LRRC4C: variants seen among roughly 807,000 people sequenced by gnomAD.
The protein encoded by LRRC4C is leucine-rich repeat-containing protein 4C.
A neutral mutation model predicts 33.6 loss-of-function variants in LRRC4C; 5 were observed. The ratio of observed to expected loss-of-function variants is 0.15; its 90% CI spans 0.08 to 0.31. The LOEUF (loss-of-function observed/expected upper bound fraction) is 0.31. Ranked by LOEUF, LRRC4C falls within the 10% of genes least tolerant of loss-of-function variation. LRRC4C has a pLI of 1.00. For missense variants in LRRC4C, 560 were observed against 796.7 expected, an observed-to-expected ratio of 0.70 and a Z score of 3.58; for synonymous variants, 329 against 302.0, an observed-to-expected ratio of 1.09 and a Z score of -0.93.
At chr11:40,733,700 C>A (rs1384125651) in intron 2 of LRRC4C, among the ~76,000 whole-genome samples, 1 of 152,126 alleles carries the variant, frequency 6.6e-6, no homozygotes, top group African/African-American at 2.4e-5. Context: ...ATTGGCCTTG[C>A]CCACTAATGT....
At chr11:40,288,268 G>A (rs945921264) in intron 4 of LRRC4C, among the ~76,000 whole-genome samples, 1 of 152,156 alleles carries the variant, frequency 6.6e-6, no homozygotes, top group East Asian at 1.9e-4. Flanking sequence ...ATGCAAAAAA[G>A]TAAAATTTAT....
At chr11:40,635,708 C>T (rs1411644923) in intron 3 of LRRC4C, among the ~76,000 whole-genome samples, 1 of 140,672 alleles carries the variant, frequency 7.1e-6, no homozygotes, top group African/African-American at 2.7e-5. Flanking sequence ...GCGATCTCGG[C>T]TCACTGCAAG....
intron 1 of LRRC4C, among the ~76,000 whole-genome samples, chr11:41,402,881 G>T (rs1335364432): frequency 6.6e-6 from 1 of 151,870 alleles, no homozygotes; most frequent in African/African-American, 2.4e-5. Flanking sequence ...TATTATTACA[G>T]CATTTTAAAT....
At chr11:40,591,825 C>T (rs1315922604) in intron 3 of LRRC4C, among the ~76,000 whole-genome samples, 1 of 152,156 alleles carries the variant, frequency 6.6e-6, no homozygotes, top group Non-Finnish European at 1.5e-5. Context: ...AGAACTTTAG[C>T]TCAATGAATC....
At chr11:40,511,089 A>C (rs1353106645) in intron 3 of LRRC4C, among the ~76,000 whole-genome samples, 1 of 152,168 alleles carries the variant, frequency 6.6e-6, no homozygotes, top group Non-Finnish European at 1.5e-5. Flanking sequence ...AATATCTCTT[A>C]AATAATAAAG....
chr11:40,400,586 C>G (rs1191368228), intron 3 of LRRC4C, among the ~76,000 whole-genome samples: 2 of 152,108 alleles, frequency 1.3e-5, no homozygotes, highest in Non-Finnish European at 2.9e-5. Context: ...GATGTATCCT[C>G]TAGCTAGCCC....
chr11:40,973,497 C>T (rs1263180505), intron 1 of LRRC4C, among the ~76,000 whole-genome samples: 1 of 152,010 alleles, frequency 6.6e-6, no homozygotes, highest in Non-Finnish European at 1.5e-5. Flanking sequence ...GCTCTGGAGC[C>T]CACAGAAAGT....
chr11:40,896,696 T>C (rs907099012), intron 2 of LRRC4C, among the ~76,000 whole-genome samples: 2 of 151,962 alleles, frequency 1.3e-5, no homozygotes, highest in East Asian at 1.9e-4. Context: ...TATATGTATA[T>C]ATTAATACAG....
intron 5 of LRRC4C, among the ~76,000 whole-genome samples, chr11:40,156,350 C>A (rs11512272): frequency 7.2e-5 from 11 of 151,868 alleles, no homozygotes; most frequent in African/African-American, 2.7e-4. Flanking sequence ...CTAGCCAGAG[C>A]AATAAGACAA....
intron 2 of LRRC4C, among the ~76,000 whole-genome samples, chr11:40,668,017 A>G (rs1274011849): frequency 6.6e-6 from 1 of 152,228 alleles, no homozygotes; most frequent in Non-Finnish European, 1.5e-5. Context: ...GTGCTTTACA[A>G]TAACTCAAGT....
At chr11:40,771,430 A>G (rs1949752364) in intron 2 of LRRC4C, among the ~76,000 whole-genome samples, 2 of 152,178 alleles carry the variant, frequency 1.3e-5, no homozygotes, top group African/African-American at 4.8e-5. Context: ...CTCTGGGCCT[A>G]TGATGGGAGG....
intron 2 of LRRC4C, among the ~76,000 whole-genome samples, chr11:40,659,824 A>G (rs1943333198): frequency 6.6e-6 from 1 of 152,020 alleles, no homozygotes; most frequent in Non-Finnish European, 1.5e-5. Flanking sequence ...CACTCGAGAA[A>G]ACTCCTCTCC....
intron 1 of LRRC4C, among the ~76,000 whole-genome samples, chr11:41,107,356 G>A (rs1454231417): frequency 2.0e-5 from 3 of 151,912 alleles, no homozygotes; most frequent in Non-Finnish European, 4.4e-5. Context: ...AAACAATACT[G>A]TATTAGAGAT....
At chr11:40,539,295 T>C (rs1281386060) in intron 3 of LRRC4C, among the ~76,000 whole-genome samples, 1 of 152,160 alleles carries the variant, frequency 6.6e-6, no homozygotes, top group East Asian at 1.9e-4. Flanking sequence ...TGCTTGGACA[T>C]GTAAAATTAT....
At chr11:40,810,666 A>G (rs1222288524) in intron 2 of LRRC4C, among the ~76,000 whole-genome samples, 1 of 152,074 alleles carries the variant, frequency 6.6e-6, no homozygotes, top group Non-Finnish European at 1.5e-5. Flanking sequence ...GGGCACCAAC[A>G]TCTATCTGAG....
chr11:40,611,970 A>C (rs1179607611), intron 3 of LRRC4C, among the ~76,000 whole-genome samples: 1 of 151,848 alleles, frequency 6.6e-6, no homozygotes, highest in East Asian at 1.9e-4. Context: ...ATCTGTCTGA[A>C]ACAGTCTGGG....
intron 1 of LRRC4C, among the ~76,000 whole-genome samples, chr11:41,165,383 CAG>C (rs984413927): frequency 1.3e-5 from 2 of 152,086 alleles, no homozygotes; most frequent in African/African-American, 2.4e-5. Flanking sequence ...AAGAATTTCA[CAG>C]AGTTTTCTCT....
intron 2 of LRRC4C, among the ~76,000 whole-genome samples, chr11:40,755,521 A>G (rs1297431249): frequency 1.3e-5 from 2 of 151,998 alleles, no homozygotes; most frequent in African/African-American, 4.8e-5. Context: ...TTGCTGCTCC[A>G]TTTTTTATTT....
intron 3 of LRRC4C, among the ~76,000 whole-genome samples, chr11:40,464,990 A>C (rs1412196220): frequency 7.2e-5 from 11 of 152,056 alleles, no homozygotes; most frequent in African/African-American, 2.7e-4. Flanking sequence ...GAACCAAAAA[A>C]GCACCTGAAC....
Sources: allele counts gnomAD v4.1 joint callset (sites outside exome capture counted in the v4.1 genomes callset), GRCh38; gene constraint gnomAD v4.1.1; transcripts MANE v1.5; gene names NCBI Gene and HGNC (gene_info 2026-07-23, HGNC 2026-07-21).